Variants in TRPC5 observed in about 807,000 individuals in gnomAD.
The protein encoded by TRPC5 is short transient receptor potential channel 5.
A neutral mutation model predicts 56.5 loss-of-function variants in TRPC5; 9 were observed. That is an observed-to-expected ratio of 0.16 (90% CI 0.10 to 0.28). The LOEUF is 0.28. Ranked by LOEUF, TRPC5 falls within the 10% of genes least tolerant of loss-of-function variation. TRPC5 has a pLI of 1.00. For synonymous variants in TRPC5, 282 were observed against 278.5 expected, an observed-to-expected ratio of 1.01 and a Z score of -0.13; for missense variants, 469 against 748.9, an observed-to-expected ratio of 0.63 and a Z score of 4.36.
intron 1 of TRPC5, among the ~76,000 whole-genome samples, chrX:112,001,478 G>T (rs894125900): frequency 8.9e-6 from 1 of 112,291 alleles, no homozygotes; most frequent in African/African-American, 3.2e-5. Context: ...AGTAAGCTCA[G>T]ACAAGGTGCA....
rs181214389 is a variant in TRPC5 at position 111,826,388 on chromosome X, T to C, written c.1896+8533A>G. On this transcript the variant is annotated intron_variant, in intron 7 of 10. Transcript: ENST00000262839. ...TCAGCAGGTGTTCATAGATTCCACA[T>C]TACCCAAGGGAGGAGGGCACTATTA... is the stretch of plus-strand genomic sequence containing the variant. Among the ~76,000 whole-genome samples the C allele has an allele frequency of 2.9e-3, 327 of 112,265 alleles. 1 individual carries two copies. Among genetic ancestry groups the C allele is most frequent in the African/African-American group, 9.6e-3 (297 of 30,957 alleles).
chrX:111,852,852 G>A (rs1246017315), intron 4 of TRPC5, among the ~76,000 whole-genome samples: 1 of 111,632 alleles, frequency 9.0e-6, no homozygotes, highest in African/African-American at 3.3e-5. Flanking sequence ...TGTGTTTTGA[G>A]GTGAGCAAGC....
Position 111,912,610 on chromosome X carries a change from C to T in TRPC5, c.581G>A (p.Arg194His), listed in dbSNP as rs778427076. 3.3e-6 allele frequency: 4 copies of T among 1,211,163 alleles called. No individual in the cohort carries two copies. The highest frequency in any genetic ancestry group is 4.5e-6 in the Non-Finnish European group (4 of 895,373). ...AGCCTTATAGATGTTCAGTCGGGAG[C>T]GAGAGTGGCGCAGGCTGTCTACCTC... ...SSEVDSLRHS[R>H]SRLNIYKALA... The change falls in exon 3 of 11, where the codon CGC becomes CAC. Residue 194 changes from arginine to histidine, a missense_variant. Physicochemically the swap from Arg to His is conservative, Grantham distance 29. Around this residue, in one of 3 missense-constraint regions of TRPC5, gnomAD observed 118 missense variants for 167.1 expected, o/e 0.71. Transcript: ENST00000262839.
intron 1 of TRPC5, among the ~76,000 whole-genome samples, chrX:112,012,114 T>C (rs894313779): frequency 1.8e-5 from 2 of 112,227 alleles, no homozygotes; most frequent in African/African-American, 6.5e-5. Context: ...CGGGGTCTAC[T>C]GTATATTCAA....
Position 111,900,354 on chromosome X carries a change from A to G in TRPC5, c.900+11937T>C, listed in dbSNP as rs1004718471. Among the ~76,000 whole-genome samples the G allele has an allele frequency of 3.8e-4, 43 of 111,882 alleles. 1 individual carries two copies. The highest frequency in any genetic ancestry group is 1.4e-3 in the African/African-American group (42 of 30,797). On this transcript the variant is annotated intron_variant, in intron 3 of 10. Coordinates refer to ENST00000262839, the MANE Select transcript of TRPC5 (RefSeq NM_012471.3). Reference sequence around the variant, plus strand: ...AGTTAGCCCAATTTACAGAATTAATAGCCAGAAATTTAACATGTAGATATA... The same window carrying G: ...AGTTAGCCCAATTTACAGAATTAATGGCCAGAAATTTAACATGTAGATATA...
At chrX:111,981,940 G>T (rs767395093) in intron 1 of TRPC5, among the ~76,000 whole-genome samples, 1 of 111,659 alleles carries the variant, frequency 9.0e-6, no homozygotes. Flanking sequence ...GGAGGTGATT[G>T]GTTCATGGGG....
chrX:112,078,157 A>C (rs776181322), intron 1 of TRPC5, among the ~76,000 whole-genome samples: 14 of 112,041 alleles, frequency 1.2e-4, no homozygotes, highest in South Asian at 3.7e-4. Context: ...TTCCATCTGA[A>C]TACGCTAGCT....
At chrX:112,041,432 G>A (rs1211746001) in intron 1 of TRPC5, among the ~76,000 whole-genome samples, 2 of 112,016 alleles carry the variant, frequency 1.8e-5, no homozygotes, top group Non-Finnish European at 3.8e-5. Flanking sequence ...CATGTTATGT[G>A]TTTTAAATAC....
chrX:111,980,472 A>C (rs778314024), intron 1 of TRPC5, among the ~76,000 whole-genome samples: 25 of 111,724 alleles, frequency 2.2e-4, no homozygotes, highest in Non-Finnish European at 4.1e-4. Context: ...TCTATACCTT[A>C]TTAAAATTGT....
chrX:111,825,247 TC>T (rs1922195748), intron 7 of TRPC5, among the ~76,000 whole-genome samples: 1 of 100,601 alleles, frequency 9.9e-6, no homozygotes, highest in African/African-American at 3.8e-5. Context: ...TCTCTCTCTC[TC>T]TCTCTCTTTC....
intron 1 of TRPC5, among the ~76,000 whole-genome samples, chrX:112,070,266 T>A (rs189014299): frequency 8.9e-5 from 10 of 112,007 alleles, no homozygotes; most frequent in Admixed American, 3.8e-4. Flanking sequence ...CTCACCCCTC[T>A]AGTTTCTGGA....
At position 111,956,062 on chromosome X, in the gene TRPC5, G is replaced by C. The variant is rs769431778; in HGVS notation, c.-21-3621C>G. Among the ~76,000 whole-genome samples the C allele has an allele frequency of 1.7e-4, 19 of 112,700 alleles. 1 individual carries two copies. The South Asian group carries it at 6.6e-3, about 39-fold the overall frequency. On this transcript the variant is annotated intron_variant, in intron 1 of 10. Transcript: ENST00000262839. ...CAGAGGCGTTTGTCTAATAGAATCT[G>C]TGACATTTGTGGGCTTAAATGATGC...
intron 1 of TRPC5, among the ~76,000 whole-genome samples, chrX:112,071,481 C>T: frequency 9.0e-6 from 1 of 111,502 alleles, no homozygotes; most frequent in Admixed American, 9.5e-5. Flanking sequence ...GATAGTTTGA[C>T]TTTCAGCTAA....
At chrX:111,855,515 G>A (rs1039005643) in intron 3 of TRPC5, among the ~76,000 whole-genome samples, 13 of 111,783 alleles carry the variant, frequency 1.2e-4, no homozygotes, top group African/African-American at 3.6e-4. Flanking sequence ...GTTACGTCAC[G>A]GAGAAATTTC....
intron 7 of TRPC5, among the ~76,000 whole-genome samples, chrX:111,782,534 A>G (rs1292674115): frequency 9.0e-6 from 1 of 111,307 alleles, no homozygotes; most frequent in Non-Finnish European, 1.9e-5. Context: ...TAAGTGAATA[A>G]AGCAATATAG....
chrX:111,882,730 G>C (rs1924284056), intron 3 of TRPC5, among the ~76,000 whole-genome samples: 2 of 112,719 alleles, frequency 1.8e-5, no homozygotes, highest in South Asian at 7.2e-4. Flanking sequence ...GGCCTACTCA[G>C]ATATCAGTTA....
intron 1 of TRPC5, among the ~76,000 whole-genome samples, chrX:112,019,817 A>C (rs961199861): frequency 2.7e-5 from 3 of 111,106 alleles, no homozygotes; most frequent in African/African-American, 9.8e-5. Context: ...CAGCCATCTC[A>C]TGTTATTTTT....
At chrX:112,066,493 T>C (rs2147743040) in intron 1 of TRPC5, among the ~76,000 whole-genome samples, 1 of 111,380 alleles carries the variant, frequency 9.0e-6, no homozygotes, top group East Asian at 2.9e-4. Context: ...ACATGGTAGG[T>C]GTAGAGTTTG....
At chrX:112,068,022 G>A (rs1333467447) in intron 1 of TRPC5, among the ~76,000 whole-genome samples, 1 of 112,387 alleles carries the variant, frequency 8.9e-6, no homozygotes, top group African/African-American at 3.2e-5. Context: ...AGAAACTGAG[G>A]CATAGACAGG....
Sources: allele counts gnomAD v4.1 joint callset (sites outside exome capture counted in the v4.1 genomes callset), GRCh38; gene constraint gnomAD v4.1.1; regional missense constraint gnomAD v4.1.1; transcripts MANE v1.5; gene names NCBI Gene and HGNC (gene_info 2026-07-23, HGNC 2026-07-21).